MRPL50: variants seen among roughly 807,000 people sequenced by gnomAD.
MRPL50 encodes large ribosomal subunit protein mL50.
Under a neutral mutation model 16.2 loss-of-function variants are expected in MRPL50, and 10 were observed. The observed-to-expected ratio is 0.62, with a 90% confidence interval of 0.38 to 1.05. The LOEUF (loss-of-function observed/expected upper bound fraction) is 1.05. MRPL50 is among the 50% of genes least tolerant of loss of function. The probability of loss-of-function intolerance (pLI) is 0.01; values close to 1 mark genes in which losing one functional copy is unlikely to be tolerated. For missense variants in MRPL50, 213 were observed against 187.1 expected (o/e 1.14, Z -0.81); for synonymous variants, 68 against 66.8 (o/e 1.02, Z -0.09).
intron 1 of MRPL50, among the ~76,000 whole-genome samples, chr9:101,394,390 A>G (rs1299955785): frequency 1.3e-5 from 2 of 152,102 alleles, no homozygotes; most frequent in Admixed American, 6.5e-5. Context: ...ATCTGGCTCA[A>G]TCAGTTCTGT....
At chr9:101,395,433 A>C (rs1246649910) in intron 1 of MRPL50, among the ~76,000 whole-genome samples, 1 of 152,206 alleles carries the variant, frequency 6.6e-6, no homozygotes, top group Non-Finnish European at 1.5e-5. Flanking sequence ...TCCAAAAGAA[A>C]GTTAATCAGT....
rs538378655 is a variant in MRPL50 at position 101,388,125 on chromosome 9, C to G, written c.*2341G>C. ...CTCAAAACATAATCAGCTTTTGAAG[C>G]ATGCAGAAGCTCAGGACCTACTCCA... On this transcript the variant is annotated 3_prime_UTR_variant, in exon 2 of 2. Coordinates refer to ENST00000374865, the MANE Select transcript of MRPL50 (RefSeq NM_019051.3). The G allele has an allele frequency of 4.6e-5, 7 of 152,162 alleles. No homozygotes were observed. The highest frequency in any genetic ancestry group is 1.7e-4 in the African/African-American group (7 of 41,526). 9.4% of individuals were successfully genotyped at this position (152,162 alleles called of 1,614,324 possible). A position where few individuals can be genotyped will look rare whatever the true frequency, so the allele number is the denominator to read the frequency against.
chr9:101,392,349 A>G (rs973766125), intron 1 of MRPL50, among the ~76,000 whole-genome samples: 1 of 152,056 alleles, frequency 6.6e-6, no homozygotes, highest in Non-Finnish European at 1.5e-5. Context: ...AAAAAGATCA[A>G]TGAATTAAAA....
chr9:101,394,056 G>A (rs1335903076), intron 1 of MRPL50, among the ~76,000 whole-genome samples: 1 of 148,662 alleles, frequency 6.7e-6, no homozygotes, highest in African/African-American at 2.5e-5. Flanking sequence ...CCTTTAAGCT[G>A]TCCTTGTTCA....
intron 1 of MRPL50, among the ~76,000 whole-genome samples, chr9:101,394,300 T>C (rs946362291): frequency 7.2e-5 from 11 of 152,212 alleles, no homozygotes; most frequent in Admixed American, 3.9e-4. Flanking sequence ...AACACTGCTA[T>C]TGTAAAATTC....
chr9:101,389,386 A>T lies in MRPL50; in HGVS notation c.*1080T>A, dbSNP rs2118124047. The T allele has an allele frequency of 9.4e-7, 1 of 1,068,436 alleles. No individual in the cohort carries two copies. The highest frequency in any genetic ancestry group is 1.7e-5 in the African/African-American group (1 of 59,944). 66.2% of individuals were successfully genotyped at this position (1,068,436 alleles called of 1,614,324 possible). ...AAGTTCTTGAATGAAGTGCCTGTGG[A>T]TGATATTTGTAGGGCATGTCTATAC... On this transcript the variant is annotated 3_prime_UTR_variant, in exon 2 of 2. Coordinates refer to ENST00000374865, the MANE Select transcript of MRPL50 (RefSeq NM_019051.3).
chr9:101,393,867 G>C (rs1289016226), intron 1 of MRPL50, among the ~76,000 whole-genome samples: 1 of 151,556 alleles, frequency 6.6e-6, no homozygotes, highest in Non-Finnish European at 1.5e-5. Flanking sequence ...GCTACCCAAA[G>C]CGATATACTG....
At position 101,387,642 on chromosome 9, in the gene MRPL50, G is replaced by C. The variant is rs1830219596; in HGVS notation, c.*2824C>G. 6.6e-6 allele frequency: 1 copy of C among 152,072 alleles called. No homozygotes were observed. The allele number at this position is 152,072 out of a possible 1,614,324, so 9.4% of individuals were successfully genotyped here. The stretch of plus-strand genomic sequence containing the variant: ...AAAAATGACACGTTAAGAAAGGAGG[G>C]AGGAGTTTATTTTATGCAGTTTAAA... On this transcript the variant is annotated 3_prime_UTR_variant, in exon 2 of 2. Transcript: ENST00000374865.
intron 1 of MRPL50, 59 bp downstream of exon 1, chr9:101,398,442 G>T: frequency 6.7e-7 from 1 of 1,492,540 alleles, no homozygotes; most frequent in Non-Finnish European, 9.3e-7. Flanking sequence ...TTTTGAATTC[G>T]TCCCTAATCC....
chr9:101,396,044 T>C (rs1349155482), intron 1 of MRPL50, among the ~76,000 whole-genome samples: 3 of 152,266 alleles, frequency 2.0e-5, no homozygotes, highest in East Asian at 1.9e-4. Flanking sequence ...AAATATCACA[T>C]GTACCCCATA....
chr9:101,396,142 A>C (rs80275560), intron 1 of MRPL50, among the ~76,000 whole-genome samples: 3,699 of 152,286 alleles, frequency 0.024, 156 homozygotes, highest in African/African-American at 0.084. Flanking sequence ...GTCATTACCA[A>C]AAAGACAAGT....
intron 1 of MRPL50, among the ~76,000 whole-genome samples, chr9:101,393,402 C>T (rs73494934): frequency 0.017 from 2,510 of 152,028 alleles, 75 homozygotes; most frequent in African/African-American, 0.057. Context: ...AAATAAAGTA[C>T]ATCAAAATTG....
At chr9:101,394,233 G>C (rs1588149361) in intron 1 of MRPL50, among the ~76,000 whole-genome samples, 1 of 152,180 alleles carries the variant, frequency 6.6e-6, no homozygotes, top group Non-Finnish European at 1.5e-5. Context: ...ATTATGGTTA[G>C]GGGTCATTCA....
chr9:101,395,085 A>G (rs1475970220), intron 1 of MRPL50, among the ~76,000 whole-genome samples: 1 of 152,204 alleles, frequency 6.6e-6, no homozygotes, highest in Non-Finnish European at 1.5e-5. Context: ...AGTAACAACA[A>G]CAAAAAAAAC....
rs534740530 is a variant in MRPL50, at chr9:101,393,639, T to C, written c.93-2789A>G. ...ATACAAAATCAGTAGCATTTCCATA[T>C]GCCAATAGTAAACAATCTGAAAAAG... On this transcript the variant is annotated intron_variant, in intron 1 of 1. Coordinates refer to ENST00000374865, the MANE Select transcript of MRPL50 (RefSeq NM_019051.3). Among the ~76,000 whole-genome samples the C allele has an allele frequency of 7.2e-5, 11 of 152,090 alleles. No homozygotes were observed. In the South Asian group the frequency reaches 1.7e-3, roughly 23 times the overall value.
At chr9:101,391,228 C>T (rs1197886834) in intron 1 of MRPL50, among the ~76,000 whole-genome samples, 1 of 152,058 alleles carries the variant, frequency 6.6e-6, no homozygotes, top group South Asian at 2.1e-4. Flanking sequence ...AAGCACACTC[C>T]CACTTTCCTG....
chr9:101,393,498 TATG>T (rs1830299991), intron 1 of MRPL50, among the ~76,000 whole-genome samples: 1 of 152,278 alleles, frequency 6.6e-6, no homozygotes, highest in African/African-American at 2.4e-5. Context: ...ACGTAAGATA[TATG>T]ATCTTATATA....
Position 101,394,576 on chromosome 9 carries a change from T to G in MRPL50, c.93-3726A>C, listed in dbSNP as rs1830316501. Among the ~76,000 whole-genome samples the G allele has an allele frequency of 2.6e-5, 4 of 152,306 alleles. No homozygotes were observed. The South Asian group carries it at 8.3e-4, about 32-fold the overall frequency. On this transcript the variant is annotated intron_variant, in intron 1 of 1. Transcript: ENST00000374865. ...GATTTGACTAATAATAAAACTCCAG[T>G]ATCCTCACAGCTGACTCTGCGTGAA...
At chr9:101,393,798 A>G (rs1394521528) in intron 1 of MRPL50, among the ~76,000 whole-genome samples, 1 of 152,066 alleles carries the variant, frequency 6.6e-6, no homozygotes, top group Non-Finnish European at 1.5e-5. Flanking sequence ...GGGACACACA[A>G]AAAATGGAGA....
Sources: gnomAD v4.1 joint callset for allele counts (sites outside exome capture counted in the v4.1 genomes callset) on GRCh38, gnomAD v4.1.1 for gene constraint, MANE v1.5 for transcripts, NCBI Gene and HGNC (gene_info 2026-07-23, HGNC 2026-07-21) for gene names.